RBMS3: variants seen among roughly 807,000 people sequenced by gnomAD.
RBMS3 encodes RNA-binding motif, single-stranded-interacting protein 3.
RBMS3 carries 27 observed loss-of-function variants against 66.8 expected under a neutral mutation model. The ratio of observed to expected loss-of-function variants is 0.40; its 90% CI spans 0.30 to 0.56. The LOEUF is 0.56. RBMS3 is among the 20% of genes least tolerant of loss of function. The probability of loss-of-function intolerance (pLI) is 0.40; values close to 1 mark genes in which losing one functional copy is unlikely to be tolerated. For synonymous variants in RBMS3, 188 were observed against 183.0 expected, an observed-to-expected ratio of 1.03 and a Z score of -0.22; for missense variants, 513 against 549.5, an observed-to-expected ratio of 0.93 and a Z score of 0.66.
intron 12 of RBMS3, among the ~76,000 whole-genome samples, chr3:29,954,157 T>C (rs943139506): frequency 1.3e-5 from 2 of 151,826 alleles, no homozygotes; most frequent in African/African-American, 4.8e-5. Context: ...GCTGGTCTTA[T>C]GACACCTTGC....
chr3:29,704,517 A>G (rs1416507612), intron 4 of RBMS3, among the ~76,000 whole-genome samples: 1 of 152,214 alleles, frequency 6.6e-6, no homozygotes, highest in African/African-American at 2.4e-5. Flanking sequence ...TGGGCAAATC[A>G]CTTAACCTCT....
intron 4 of RBMS3, among the ~76,000 whole-genome samples, chr3:29,686,018 A>G (rs1167217204): frequency 2.0e-5 from 3 of 152,170 alleles, no homozygotes; most frequent in Non-Finnish European, 4.4e-5. Flanking sequence ...CTGGATCTTC[A>G]TTACTGGAGA....
intron 4 of RBMS3, among the ~76,000 whole-genome samples, chr3:29,643,198 T>A (rs2049789651): frequency 1.3e-5 from 2 of 152,118 alleles, no homozygotes; most frequent in South Asian, 4.1e-4. Flanking sequence ...CCAGATTTAA[T>A]CTGACAGCCA....
chr3:29,997,373 A>T (rs1299399881), intron 14 of RBMS3, among the ~76,000 whole-genome samples: 1 of 150,046 alleles, frequency 6.7e-6, no homozygotes, highest in African/African-American at 2.5e-5. Context: ...TTCTGAAACT[A>T]TTCCAATCAA....
intron 3 of RBMS3, among the ~76,000 whole-genome samples, chr3:29,503,311 C>T (rs953000012): frequency 2.0e-5 from 3 of 151,970 alleles, no homozygotes; most frequent in African/African-American, 7.2e-5. Context: ...CTCAAGTTGC[C>T]CTCCAGCCTC....
intron 4 of RBMS3, among the ~76,000 whole-genome samples, chr3:29,650,637 A>G (rs1291400096): frequency 6.6e-6 from 1 of 152,138 alleles, no homozygotes; most frequent in African/African-American, 2.4e-5. Flanking sequence ...TCATTGTGGC[A>G]GCCAAAGTGT....
intron 4 of RBMS3, among the ~76,000 whole-genome samples, chr3:29,611,849 T>C (rs1177157541): frequency 6.6e-6 from 1 of 152,040 alleles, no homozygotes; most frequent in East Asian, 1.9e-4. Flanking sequence ...AGGTGATCAA[T>C]GTTATCAGGT....
At chr3:29,289,672 G>A (rs2032660473) in intron 1 of RBMS3, among the ~76,000 whole-genome samples, 1 of 151,864 alleles carries the variant, frequency 6.6e-6, no homozygotes, top group South Asian at 2.1e-4. Context: ...TCGACTACAT[G>A]CCTTATTAGT....
intron 6 of RBMS3, among the ~76,000 whole-genome samples, chr3:29,818,360 G>A (rs950541832): frequency 4.7e-5 from 7 of 150,316 alleles, no homozygotes; most frequent in East Asian, 2.0e-4. Context: ...ACTGTGAGAC[G>A]ATGTTTTTTT....
Position 29,717,816 on chromosome 3 carries a change from A to G in RBMS3, c.400-21904A>G, listed in dbSNP as rs147728963. ...AATGACTTAGCGGAGTGGCAAATTG[A>G]TAATAACCCGTTTAGATCTCTTCAT... On this transcript the variant is annotated intron_variant, in intron 4 of 14. Transcript: ENST00000383767. 2.5e-3 allele frequency among the ~76,000 whole-genome samples: 380 copies of G among 152,244 alleles called. 2 individuals carry two copies. Among genetic ancestry groups the G allele is most frequent in the African/African-American group, 8.7e-3 (361 of 41,562 alleles).
chr3:29,313,088 A>T (rs994223016), intron 1 of RBMS3, among the ~76,000 whole-genome samples: 1 of 151,778 alleles, frequency 6.6e-6, no homozygotes, highest in Admixed American at 6.6e-5. Context: ...GGATCATATA[A>T]TGAATGACTT....
intron 6 of RBMS3, among the ~76,000 whole-genome samples, chr3:29,842,545 TTCTG>T (rs1307282882): frequency 1.3e-5 from 2 of 152,328 alleles, no homozygotes; most frequent in South Asian, 4.1e-4. Flanking sequence ...CTTGCAAGTC[TTCTG>T]TCTTTTTGCC....
At chr3:29,866,229 TA>T (rs2059361926) in intron 6 of RBMS3, among the ~76,000 whole-genome samples, 1 of 152,182 alleles carries the variant, frequency 6.6e-6, no homozygotes, top group African/African-American at 2.4e-5. Context: ...GGCATATGCA[TA>T]TATCAACACT....
intron 10 of RBMS3, among the ~76,000 whole-genome samples, chr3:29,929,098 C>A (rs1342077926): frequency 6.6e-6 from 1 of 152,126 alleles, no homozygotes; most frequent in Non-Finnish European, 1.5e-5. Context: ...AATTTATAAT[C>A]TTAAGATCAA....
At chr3:29,587,310 G>T in intron 4 of RBMS3, 105 bp downstream of exon 4, 4 of 577,968 alleles carry the variant, frequency 6.9e-6, no homozygotes, top group South Asian at 8.4e-5. Flanking sequence ...GAGGAAGGAA[G>T]AAGGAGAGAT....
intron 3 of RBMS3, among the ~76,000 whole-genome samples, chr3:29,517,296 T>C: frequency 7.2e-6 from 1 of 138,140 alleles, no homozygotes; most frequent in Admixed American, 7.2e-5. Flanking sequence ...TGTGTGTGTG[T>C]GTGTGTGTGT....
At chr3:29,382,460 T>C (rs1004710074) in intron 1 of RBMS3, among the ~76,000 whole-genome samples, 23 of 152,234 alleles carry the variant, frequency 1.5e-4, no homozygotes, top group Admixed American at 5.2e-4. Flanking sequence ...TGCAAGGTTT[T>C]GTCTGTTGCT....
Position 29,449,199 on chromosome 3 carries a change from T to C in RBMS3, c.248+14284T>C, listed in dbSNP as rs554587339. On this transcript the variant is annotated intron_variant, in intron 2 of 14. Coordinates refer to ENST00000383767, the MANE Select transcript of RBMS3 (RefSeq NM_001003793.3). ...CCAATTAAGTACAGAATTCTAACAATACAACATACCTATAATTTGCAGGTT... is the reference window on the plus strand; with the variant it reads ...CCAATTAAGTACAGAATTCTAACAACACAACATACCTATAATTTGCAGGTT... Among the ~76,000 whole-genome samples, 4 of 152,322 alleles carry C rather than the reference T, an allele frequency of 2.6e-5. No homozygotes were observed. The South Asian group carries it at 6.2e-4, about 24-fold the overall frequency.
At chr3:29,976,976 T>C (rs978434904) in intron 12 of RBMS3, among the ~76,000 whole-genome samples, 3 of 152,118 alleles carry the variant, frequency 2.0e-5, no homozygotes, top group African/African-American at 7.2e-5. Flanking sequence ...TTTGAACTAC[T>C]TGCTTTTGAA....
Sources: gnomAD v4.1 joint callset for allele counts (sites outside exome capture counted in the v4.1 genomes callset) on GRCh38, gnomAD v4.1.1 for gene constraint, MANE v1.5 for transcripts, NCBI Gene and HGNC (gene_info 2026-07-23, HGNC 2026-07-21) for gene names.